GHR: variants seen among roughly 807,000 people sequenced by gnomAD.
GHR encodes GH receptor.
A neutral mutation model predicts 67.1 loss-of-function variants in GHR; 35 were observed. That is an observed-to-expected ratio of 0.52 (90% CI 0.40 to 0.69). The LOEUF (loss-of-function observed/expected upper bound fraction) is 0.69. Among genes scored for constraint, GHR ranks in the 30% least tolerant of loss-of-function variants. GHR has a pLI of 0.00. For synonymous variants in GHR, 272 were observed against 269.1 expected (o/e 1.01, Z -0.10); for missense variants, 792 against 764.6 (o/e 1.04, Z -0.42).
intron 3 of GHR, among the ~76,000 whole-genome samples, chr5:42,688,584 A>C (rs1222233297): frequency 6.6e-6 from 1 of 152,180 alleles, no homozygotes; most frequent in African/African-American, 2.4e-5. Flanking sequence ...GTCATCTTCC[A>C]GATGAACTAC....
Position 42,548,386 on chromosome 5 carries a change from A to C in GHR, c.-11-17478A>C, listed in dbSNP as rs992726496. The C allele has an allele frequency of 5.1e-6, 5 of 985,216 alleles. No individual in the cohort carries two copies. The Admixed American group carries it at 1.8e-4, about 36-fold the overall frequency. The allele number at this position is 985,216 out of a possible 1,614,324, so 61.0% of individuals were successfully genotyped here. The stretch of plus-strand genomic sequence containing the variant: ...CACCTCCAACCCCTCCCTCTCTGTC[A>C]GATTTTAACCAAATCAGTGTGATGT... On this transcript the variant is annotated intron_variant, in intron 1 of 9. Coordinates refer to ENST00000230882, the MANE Select transcript of GHR (RefSeq NM_000163.5).
Position 42,721,364 on chromosome 5 carries a change from C to T in GHR, c.*1940C>T, listed in dbSNP as rs527399625. 1 of 152,212 alleles carries T rather than the reference C, an allele frequency of 6.6e-6. No homozygotes were observed. Among genetic ancestry groups the T allele is most frequent in the South Asian group, 2.1e-4 (1 of 4,812 alleles). The allele number at this position is 152,212 out of a possible 1,614,324, so 9.4% of individuals were successfully genotyped here. Reference sequence around the variant, plus strand: ...TTAGCTTTAACTTAAATAGTATTTCCCATTTATCGCAGACCTTTTTTAGGA... The same window carrying T: ...TTAGCTTTAACTTAAATAGTATTTCTCATTTATCGCAGACCTTTTTTAGGA... On this transcript the variant is annotated 3_prime_UTR_variant, in exon 10 of 10. Transcript: ENST00000230882.
intron 2 of GHR, among the ~76,000 whole-genome samples, chr5:42,602,976 G>A (rs1752453097): frequency 6.6e-6 from 1 of 151,956 alleles, no homozygotes; most frequent in Admixed American, 6.6e-5. Context: ...TCCCTACTCT[G>A]CTGCTTTCTT....
At chr5:42,454,102 C>G (rs1033594988) in intron 1 of GHR, among the ~76,000 whole-genome samples, 40 of 152,306 alleles carry the variant, frequency 2.6e-4, no homozygotes, top group African/African-American at 8.4e-4. Context: ...TTACCAGGCT[C>G]TGGGCTGGTG....
chr5:42,719,911 G>T lies in GHR; in HGVS notation c.*487G>T, dbSNP rs1348761066. 1.1e-5 allele frequency: 2 copies of T among 182,398 alleles called. No individual in the cohort carries two copies. Among genetic ancestry groups the T allele is most frequent in the Non-Finnish European group, 2.3e-5 (2 of 87,304 alleles). The allele number at this position is 182,398 out of a possible 1,614,324, so 11.3% of individuals were successfully genotyped here. A position where few individuals can be genotyped will look rare whatever the true frequency, so the allele number is the denominator to read the frequency against. On this transcript the variant is annotated 3_prime_UTR_variant, in exon 10 of 10. Transcript: ENST00000230882. ...GAGAAATTTAAACTATAAGCAAGAA[G>T]GCAAAAATAGTTTGGATATGTAAAA...
At chr5:42,679,610 C>T (rs1165740089) in intron 3 of GHR, among the ~76,000 whole-genome samples, 1 of 150,536 alleles carries the variant, frequency 6.6e-6, no homozygotes, top group Admixed American at 6.6e-5. Flanking sequence ...GGCGACAGAG[C>T]GAGACTGCAT....
At chr5:42,435,253 A>G (rs1444178257) in intron 1 of GHR, among the ~76,000 whole-genome samples, 1 of 152,224 alleles carries the variant, frequency 6.6e-6, no homozygotes, top group African/African-American at 2.4e-5. Context: ...CTCCTCCAGA[A>G]GAGTCCTGCT....
intron 3 of GHR, among the ~76,000 whole-genome samples, chr5:42,682,067 C>T (rs1463648307): frequency 6.6e-6 from 1 of 151,790 alleles, no homozygotes; most frequent in East Asian, 1.9e-4. Flanking sequence ...GGCACATATA[C>T]ACCATGGAAT....
At chr5:42,485,889 G>T (rs916168951) in intron 1 of GHR, among the ~76,000 whole-genome samples, 11 of 152,152 alleles carry the variant, frequency 7.2e-5, no homozygotes, top group African/African-American at 2.7e-4. Context: ...CCTGGCACTT[G>T]TTTTAAATCT....
chr5:42,455,261 C>T (rs367803168), intron 1 of GHR, among the ~76,000 whole-genome samples: 1 of 152,272 alleles, frequency 6.6e-6, no homozygotes, highest in Admixed American at 6.5e-5. Context: ...TTTGCAGCAG[C>T]CTGTCACTTC....
intron 2 of GHR, among the ~76,000 whole-genome samples, chr5:42,581,733 T>A (rs540664824): frequency 6.6e-6 from 1 of 152,042 alleles, no homozygotes; most frequent in Non-Finnish European, 1.5e-5. Context: ...GCGGCTGTGG[T>A]TGTGCCCTCC....
At chr5:42,527,936 T>A (rs1005943195) in intron 1 of GHR, among the ~76,000 whole-genome samples, 2 of 152,194 alleles carry the variant, frequency 1.3e-5, no homozygotes, top group African/African-American at 4.8e-5. Flanking sequence ...TGTGTAATAG[T>A]ACACCTGTTT....
At chr5:42,453,632 G>T (rs1744140714) in intron 1 of GHR, among the ~76,000 whole-genome samples, 1 of 152,180 alleles carries the variant, frequency 6.6e-6, no homozygotes, top group Admixed American at 6.5e-5. Flanking sequence ...TAGGAATGTT[G>T]TTGTTCCAAG....
intron 3 of GHR, among the ~76,000 whole-genome samples, chr5:42,675,523 G>T (rs1264140243): frequency 6.6e-6 from 1 of 152,134 alleles, no homozygotes; most frequent in African/African-American, 2.4e-5. Flanking sequence ...AATTTGAAAG[G>T]CAATAAACTA....
intron 2 of GHR, among the ~76,000 whole-genome samples, chr5:42,579,112 TA>T (rs1469620199): frequency 0.016 from 1,452 of 89,622 alleles, 12 homozygotes; most frequent in African/African-American, 0.031. Context: ...GATAGATAGA[TA>T]GATAGATAGA....
At chr5:42,540,195 C>CTCTCTA (rs1748442301) in intron 1 of GHR, among the ~76,000 whole-genome samples, 1 of 151,484 alleles carries the variant, frequency 6.6e-6, no homozygotes. Context: ...CTCTCTCTCT[C>CTCTCTA]TCTCTCTCTC....
chr5:42,513,565 A>T (rs561554051), intron 1 of GHR, among the ~76,000 whole-genome samples: 1 of 152,296 alleles, frequency 6.6e-6, no homozygotes, highest in South Asian at 2.1e-4. Flanking sequence ...AGGTGGGCCG[A>T]TCACCTGAGG....
At chr5:42,481,771 GT>G (rs771524583) in intron 1 of GHR, among the ~76,000 whole-genome samples, 33 of 152,186 alleles carry the variant, frequency 2.2e-4, no homozygotes, top group Non-Finnish European at 4.0e-4. Context: ...GGTTATTCTA[GT>G]TATACATTCA....
intron 1 of GHR, among the ~76,000 whole-genome samples, chr5:42,500,523 G>A (rs181424173): frequency 2.0e-5 from 3 of 152,314 alleles, no homozygotes; most frequent in East Asian, 3.9e-4. Flanking sequence ...TCTACAGAGG[G>A]TGACACATAG....
Sources: allele counts gnomAD v4.1 joint callset (sites outside exome capture counted in the v4.1 genomes callset), GRCh38; gene constraint gnomAD v4.1.1; transcripts MANE v1.5; gene names NCBI Gene and HGNC (gene_info 2026-07-23, HGNC 2026-07-21).